SLC11A2: variants seen among roughly 807,000 people sequenced by gnomAD.
The protein encoded by SLC11A2 is natural resistance-associated macrophage protein 2.
In SLC11A2, 38 loss-of-function variants were observed where a neutral mutation model predicts 68.0. The ratio of observed to expected loss-of-function variants is 0.56; its 90% CI spans 0.43 to 0.73. The LOEUF (loss-of-function observed/expected upper bound fraction) is 0.73, where lower values mean the gene tolerates loss of function less well. Ranked by LOEUF, SLC11A2 falls within the 30% of genes least tolerant of loss-of-function variation. The pLI is 0.00. For synonymous variants in SLC11A2, 242 were observed against 250.6 expected (o/e 0.97, Z 0.32); for missense variants, 517 against 690.5 (o/e 0.75, Z 2.82).
intron 14 of SLC11A2, 33 bp from the exon 15 acceptor site, chr12:50,990,981 A>C: frequency 6.2e-7 from 1 of 1,607,222 alleles, no homozygotes; most frequent in South Asian, 1.1e-5. Flanking sequence ...CACTGATGGA[A>C]TAATCCAACT....
At chr12:50,970,423 T>C in the SLC11A2 span, 1 of 1,289,580 alleles carries the variant, frequency 7.8e-7, no homozygotes, top group Admixed American at 2.0e-5. Flanking sequence ...TCAATTGATA[T>C]ACATCCTTCT....
chr12:51,004,720 C>T (rs538062285), intron 5 of SLC11A2, 68 bp downstream of exon 5: 59 of 1,579,508 alleles, frequency 3.7e-5, no homozygotes, highest in Middle Eastern at 1.7e-4. Flanking sequence ...ATGAGGCCAG[C>T]ACATACCGCC....
intron 1 of SLC11A2, among the ~76,000 whole-genome samples, chr12:51,015,996 G>A (rs916789478): frequency 2.0e-4 from 30 of 151,694 alleles, no homozygotes; most frequent in Non-Finnish European, 2.8e-4. Flanking sequence ...TGTTGGCCAG[G>A]ATGGTCTCGA....
intron 2 of SLC11A2, among the ~76,000 whole-genome samples, chr12:51,010,337 G>A (rs1943108645): frequency 6.6e-6 from 1 of 152,020 alleles, no homozygotes; most frequent in African/African-American, 2.4e-5. Flanking sequence ...GGCCAACATG[G>A]CGAAACCCTG....
intron 3 of SLC11A2, among the ~76,000 whole-genome samples, chr12:51,007,225 C>A (rs1471415603): frequency 1.3e-5 from 2 of 152,198 alleles, no homozygotes; most frequent in African/African-American, 2.4e-5. Flanking sequence ...TGTAACCCAA[C>A]CACCTTGGGC....
chr12:50,981,912 T>C, downstream of SLC11A2: 1 of 534,914 alleles, frequency 1.9e-6, no homozygotes, highest in Non-Finnish European at 3.2e-6. Context: ...TTTTCTGTAC[T>C]GCTATATTGA....
At chr12:50,969,967 G>A in the SLC11A2 span, among the ~76,000 whole-genome samples, 30 of 151,956 alleles carry the variant, frequency 2.0e-4, no homozygotes, top group East Asian at 5.6e-3. Context: ...CCCCCTTTCT[G>A]CATGCCCCAG....
chr12:50,960,854 T>C, the SLC11A2 span: 18 of 866,926 alleles, frequency 2.1e-5, no homozygotes, highest in Non-Finnish European at 3.1e-5. Flanking sequence ...GGCTAATTTT[T>C]TTTTTTTTAG....
Position 50,987,416 on chromosome 12 carries a change from T to G in SLC11A2, c.*909A>C, listed in dbSNP as rs746407483. On this transcript the variant is annotated 3_prime_UTR_variant, in exon 16 of 16. Transcript: ENST00000262052. ...GCTTTAGGAACAAAATAGATGGCTC[T>G]CCTCCCTTAAAGTCTTTTCTCCCCA... The G allele has an allele frequency of 1.2e-5, 15 of 1,287,084 alleles. No individual in the cohort carries two copies. In the South Asian group the frequency reaches 1.9e-4, roughly 16 times the overall value. 79.7% of individuals were successfully genotyped at this position (1,287,084 alleles called of 1,614,324 possible).
chr12:50,994,976 G>A, intron 10 of SLC11A2: 4 of 327,208 alleles, frequency 1.2e-5, no homozygotes, highest in South Asian at 1.1e-4. Flanking sequence ...GCAGACAGAG[G>A]AGTCAGAGGT....
chr12:51,021,055 C>T (rs1015563451), intron 1 of SLC11A2, among the ~76,000 whole-genome samples: 2 of 152,126 alleles, frequency 1.3e-5, no homozygotes, highest in Non-Finnish European at 2.9e-5. Context: ...TGCACCACTA[C>T]GCTCCAGGCT....
At chr12:51,010,623 T>C (rs924117995) in intron 2 of SLC11A2, 72 bp downstream of exon 2, 3 of 870,480 alleles carry the variant, frequency 3.4e-6, no homozygotes, top group Non-Finnish European at 5.9e-6. Context: ...AGGAAAAATA[T>C]GATAAATTTC....
intron 5 of SLC11A2, among the ~76,000 whole-genome samples, chr12:51,001,390 G>A (rs145229242): frequency 6.6e-6 from 1 of 152,122 alleles, no homozygotes; most frequent in Non-Finnish European, 1.5e-5. Context: ...TACTTGATGG[G>A]GGAGGGTGGA....
chr12:50,988,500 A>G (rs1194175921), intron 15 of SLC11A2, 65 bp from the exon 16 acceptor site: 4 of 1,608,548 alleles, frequency 2.5e-6, no homozygotes, highest in Non-Finnish European at 3.4e-6. Flanking sequence ...CTCACACAGC[A>G]CTTCTCAAAT....
chr12:51,011,918 T>C (rs1288681552), intron 1 of SLC11A2, among the ~76,000 whole-genome samples: 3 of 152,154 alleles, frequency 2.0e-5, no homozygotes, highest in African/African-American at 7.2e-5. Flanking sequence ...AAATATGTAA[T>C]TTAAGCTCAT....
chr12:51,026,497 G>A, upstream of SLC11A2: 2 of 542,186 alleles, frequency 3.7e-6, no homozygotes, highest in Non-Finnish European at 5.8e-6. Context: ...AGGGACCTAG[G>A]CTCCGCCCAC....
chr12:50,976,815 A>G (rs1260779119), downstream of SLC11A2, among the ~76,000 whole-genome samples: 2 of 152,372 alleles, frequency 1.3e-5, no homozygotes, highest in East Asian at 3.9e-4. Flanking sequence ...ACAAAAATCA[A>G]TGTGCAAAAA....
intron 5 of SLC11A2, among the ~76,000 whole-genome samples, chr12:51,002,734 G>A (rs1257746688): frequency 2.0e-5 from 3 of 150,824 alleles, no homozygotes; most frequent in African/African-American, 7.3e-5. Context: ...GAGGTCAGGA[G>A]TTTGAGACCA....
At chr12:51,019,775 G>A (rs1943911769) in intron 1 of SLC11A2, among the ~76,000 whole-genome samples, 1 of 151,056 alleles carries the variant, frequency 6.6e-6, no homozygotes, top group Non-Finnish European at 1.5e-5. Flanking sequence ...AGCCTCCCAA[G>A]TAGCTGGGAC....
Sources: gnomAD v4.1 joint callset for allele counts (sites outside exome capture counted in the v4.1 genomes callset) on GRCh38, gnomAD v4.1.1 for gene constraint, MANE v1.5 for transcripts, NCBI Gene and HGNC (gene_info 2026-07-23, HGNC 2026-07-21) for gene names.